Variants in RECQL5 observed in about 807,000 individuals in gnomAD.
The protein encoded by RECQL5 is ATP-dependent DNA helicase Q5.
RECQL5 carries 88 observed loss-of-function variants against 103.4 expected under a neutral mutation model. The observed-to-expected ratio is 0.85, with a 90% CI of 0.72 to 1.02. RECQL5 has a LOEUF of 1.02. Ranked by LOEUF, RECQL5 falls within the 50% of genes least tolerant of loss-of-function variation. The pLI is 0.00. For synonymous variants in RECQL5, 552 were observed against 507.9 expected (o/e 1.09, Z -1.17); for missense variants, 1,232 against 1,284.3 (o/e 0.96, Z 0.62).
intron 3 of RECQL5, among the ~76,000 whole-genome samples, chr17:75,663,453 G>T (rs551607598): frequency 6.6e-6 from 1 of 151,908 alleles, no homozygotes; most frequent in Non-Finnish European, 1.5e-5. Flanking sequence ...AGTTTTGACC[G>T]CAACCCATCA....
At chr17:75,659,809 G>A (rs1414829458) in intron 6 of RECQL5, among the ~76,000 whole-genome samples, 5 of 152,168 alleles carry the variant, frequency 3.3e-5, no homozygotes, top group South Asian at 4.1e-4. Flanking sequence ...ATTATTTGTC[G>A]TTAATCAGAC....
chr17:75,632,605 C>T (rs1341707912), intron 8 of RECQL5, among the ~76,000 whole-genome samples: 3 of 152,232 alleles, frequency 2.0e-5, no homozygotes, highest in African/African-American at 4.8e-5. Context: ...TGCAGCCCTC[C>T]TGGGGTGAGC....
chr17:75,651,108 A>T, intron 8 of RECQL5, 78 bp downstream of exon 8: 3 of 1,612,238 alleles, frequency 1.9e-6, no homozygotes, highest in Non-Finnish European at 2.5e-6. Context: ...GTCTTATGTC[A>T]GCTGCTTAAC....
chr17:75,666,648 T>C lies in RECQL5; in HGVS notation c.-14-77A>G, dbSNP rs866495062. The C allele has an allele frequency of 1.1e-5, 16 of 1,422,996 alleles. No individual in the cohort carries two copies. In the Middle Eastern group the frequency reaches 1.3e-3, roughly 112 times the overall value. The allele number at this position is 1,422,996 out of a possible 1,614,324, so 88.1% of individuals were successfully genotyped here. On this transcript the variant is annotated intron_variant, in intron 1 of 19. Transcript: ENST00000317905. ...GTTTTGCATTAAAAATACAGATTAT[T>C]TTTCTGTAACAATTTGCTATATTAC...
chr17:75,631,854 G>T (rs532863020), intron 8 of RECQL5, among the ~76,000 whole-genome samples, 186 bp from the exon 9 acceptor site: 4 of 152,266 alleles, frequency 2.6e-5, no homozygotes, highest in Admixed American at 2.6e-4. Context: ...CACAGATGAG[G>T]ACGATAAGGT....
At chr17:75,664,087 T>A (rs1364135412) in intron 3 of RECQL5, among the ~76,000 whole-genome samples, 2 of 148,498 alleles carry the variant, frequency 1.3e-5, no homozygotes, top group Admixed American at 6.7e-5. Context: ...AGAAAGAAAT[T>A]AATGTATGTA....
intron 15 of RECQL5, 52 bp downstream of exon 15, chr17:75,629,656 A>T (rs961643953): frequency 1.3e-6 from 2 of 1,557,252 alleles, no homozygotes; most frequent in Non-Finnish European, 1.7e-6. Flanking sequence ...GGCAGAGGGG[A>T]AGTGAAGCCT....
chr17:75,637,771 C>G (rs962161942), intron 8 of RECQL5: 4 of 152,340 alleles, frequency 2.6e-5, no homozygotes, highest in African/African-American at 9.6e-5. Flanking sequence ...CGGGCCCTGG[C>G]TCCTGTACTG....
rs781222158 is a variant in RECQL5 at position 75,658,457 on chromosome 17, A to C, written c.990T>G (p.Phe330Leu). The C allele has an allele frequency of 1.2e-6, 2 of 1,613,522 alleles. No individual in the cohort carries two copies. The highest frequency in any genetic ancestry group is 1.7e-6 in the Non-Finnish European group (2 of 1,179,618). Reference protein sequence around the residue: ...GMGVDKANVRFVAHWNIAKSM... With the variant: ...GMGVDKANVRLVAHWNIAKSM... ...ACTTGGCAATATTCCAATGGGCGAC[A>C]AACCTGTAGGATCCAAAGGGACAAG... The change falls in exon 7 of 20, where the codon TTT (phenylalanine) becomes TTG (leucine). Residue 330 changes from phenylalanine to leucine, a missense_variant. By Grantham distance (22) the Phe-to-Leu change is conservative. Transcript: ENST00000317905.
intron 7 of RECQL5, among the ~76,000 whole-genome samples, 154 bp from the exon 8 acceptor site, chr17:75,651,419 C>T (rs539824516): frequency 5.5e-4 from 84 of 152,112 alleles, no homozygotes; most frequent in African/African-American, 2.0e-3. Context: ...GTCAGGAGTT[C>T]GAGACCAGCC....
rs990735328 is a variant in RECQL5 at position 75,636,950 on chromosome 17, C to G, written c.1230-5282G>C. On this transcript the variant is annotated intron_variant, in intron 8 of 19. Coordinates refer to ENST00000317905, the MANE Select transcript of RECQL5 (RefSeq NM_004259.7). This position sits in a 1 kb window ranked among gnomAD's most constrained non-coding sequence, Gnocchi z 5.4. ...GTCAGCCCCCTAGGGAAGCCCTGGGCGCAAAGCTATGACACTGTCCACAGC... is the reference window on the plus strand; with the variant it reads ...GTCAGCCCCCTAGGGAAGCCCTGGGGGCAAAGCTATGACACTGTCCACAGC... 2 of 152,216 alleles carry G rather than the reference C, an allele frequency of 1.3e-5. No homozygotes were observed. Among genetic ancestry groups the G allele is most frequent in the African/African-American group, 2.4e-5 (1 of 41,446 alleles). The allele number at this position is 152,216 out of a possible 1,614,324, so 9.4% of individuals were successfully genotyped here.
In RECQL5 at chr17:75,662,751, GCCC is replaced by G; in HGVS notation, c.496_498del (p.Gly166del). 6.2e-7 allele frequency: 1 copy of G among 1,614,010 alleles called. No homozygotes were observed. Among genetic ancestry groups the G allele is most frequent in the East Asian group, 2.2e-5 (1 of 44,892 alleles). On this transcript the variant is annotated inframe_deletion, in exon 4 of 20. Transcript: ENST00000317905. ...CGCAAGTAGTCAGGACGAAAGTCATGCCCCCATTGGGAAACACAATGAGCTTCA... is the reference window on the plus strand; with the variant it reads ...CGCAAGTAGTCAGGACGAAAGTCATGCCATTGGGAAACACAATGAGCTTCA...
rs536784598 is a variant in RECQL5 at position 75,664,807 on chromosome 17, G to C, written c.252+244C>G. ...ATACACCTGTAATCCCAGCTATATG[G>C]GGGGCTGAGGCACAAGAATTGCTGG... On this transcript the variant is annotated intron_variant, in intron 3 of 19. Coordinates refer to ENST00000317905, the MANE Select transcript of RECQL5 (RefSeq NM_004259.7). Among the ~76,000 whole-genome samples, 6 of 151,906 alleles carry C rather than the reference G, an allele frequency of 3.9e-5. No homozygotes were observed. In the East Asian group the frequency reaches 1.2e-3, roughly 29 times the overall value.
chr17:75,660,378 G>A (rs867835611), intron 6 of RECQL5, among the ~76,000 whole-genome samples: 2 of 152,196 alleles, frequency 1.3e-5, no homozygotes, highest in Non-Finnish European at 1.5e-5. Context: ...CCAGGGATAC[G>A]TTCTGAGAAA....
chr17:75,653,154 G>A (rs1460526683), intron 7 of RECQL5, among the ~76,000 whole-genome samples: 3 of 152,210 alleles, frequency 2.0e-5, no homozygotes, highest in Non-Finnish European at 4.4e-5. Context: ...TCCCACTAGA[G>A]GGGAGTAGGG....
Position 75,630,069 on chromosome 17 carries a change from G to A in RECQL5, c.1812+115C>T, listed in dbSNP as rs1448594163. 6 of 969,968 alleles carry A rather than the reference G, an allele frequency of 6.2e-6. No individual in the cohort carries two copies. In the South Asian group the frequency reaches 1.0e-4, roughly 17 times the overall value. The allele number at this position is 969,968 out of a possible 1,614,324, so 60.1% of individuals were successfully genotyped here. Reference sequence around the variant, plus strand: ...ACCCCCATAAACTGTCTCTGGGGTGGGCTGGGGAGGGTGAGTTCTGGGCTG... The same window carrying A: ...ACCCCCATAAACTGTCTCTGGGGTGAGCTGGGGAGGGTGAGTTCTGGGCTG... On this transcript the variant is annotated intron_variant, in intron 14 of 19. Transcript: ENST00000317905.
At position 75,630,827 on chromosome 17, in the gene RECQL5, A is replaced by G; in HGVS notation, c.1596T>C (p.Cys532=). The change falls in exon 12 of 20, where the codon TGT becomes TGC. Residue 532 remains cysteine, a synonymous_variant. Transcript: ENST00000317905. The part of the protein sequence containing the change: ...IEEFVPPDEN[C]PLKEASSRRI... ...TCCTGCTAGAAGCCTCTTTCAGGGG[A>G]CAGTTCTCATCTGTGGGGGGGGGGG... 8.0e-7 allele frequency: 1 copy of G among 1,257,328 alleles called. No individual in the cohort carries two copies. The allele number at this position is 1,257,328 out of a possible 1,614,324, so 77.9% of individuals were successfully genotyped here.
At chr17:75,641,235 T>A (rs1411357556) in intron 8 of RECQL5, 2 of 242,080 alleles carry the variant, frequency 8.3e-6, no homozygotes, top group Non-Finnish European at 1.7e-5. Context: ...AGTCCCCACC[T>A]GTGGGCAATT....
At chr17:75,652,694 C>G (rs1046511511) in intron 7 of RECQL5, 2 of 152,444 alleles carry the variant, frequency 1.3e-5, no homozygotes, top group African/African-American at 4.8e-5. Context: ...GCAGGAAGCG[C>G]TGAGGCCTGG....
Sources: gnomAD v4.1 joint callset for allele counts (sites outside exome capture counted in the v4.1 genomes callset) on GRCh38, gnomAD v4.1.1 for gene constraint, Gnocchi (gnomAD v3.1) non-coding constraint, MANE v1.5 for transcripts, NCBI Gene and HGNC (gene_info 2026-07-23, HGNC 2026-07-21) for gene names.